SPATA22: variants seen among roughly 807,000 people sequenced by gnomAD.
SPATA22 encodes spermatogenesis associated 22, also known as spermatogenesis-associated protein 22.
A neutral mutation model predicts 47.8 loss-of-function variants in SPATA22; 29 were observed. The observed-to-expected ratio is 0.61, with a 90% CI of 0.45 to 0.83. The LOEUF (loss-of-function observed/expected upper bound fraction) is 0.83. SPATA22 is among the 40% of genes least tolerant of loss of function. SPATA22 has a pLI of 0.00. For missense variants in SPATA22, 410 were observed against 421.7 expected (o/e 0.97, Z 0.24); for synonymous variants, 133 against 140.9 (o/e 0.94, Z 0.40).
chr17:3,469,260 A>C, intron 2 of SPATA22, 23 bp downstream of exon 2: 1 of 1,205,146 alleles, frequency 8.3e-7, no homozygotes, highest in Non-Finnish European at 1.2e-6. Context: ...CAGAAAATTT[A>C]AAAATAAAAA....
intron 1 of SPATA22, among the ~76,000 whole-genome samples, chr17:3,480,221 C>T (rs983655656): frequency 3.3e-5 from 5 of 152,200 alleles, no homozygotes; most frequent in Non-Finnish European, 5.9e-5. Flanking sequence ...TCTCCTCATC[C>T]GCTGCCCAGA....
chr17:3,487,040 TTGTG>T (rs139476666), intron 1 of SPATA22, among the ~76,000 whole-genome samples: 1 of 148,832 alleles, frequency 6.7e-6, no homozygotes, highest in Non-Finnish European at 1.5e-5. Flanking sequence ...TTTCCCATAT[TTGTG>T]TGTGTGTGTG....
chr17:3,452,768 C>A (rs2072893144), intron 5 of SPATA22, among the ~76,000 whole-genome samples: 1 of 151,856 alleles, frequency 6.6e-6, no homozygotes, highest in Admixed American at 6.5e-5. Context: ...TATATGACAA[C>A]AAATTGGATA....
rs1488690 is a variant in SPATA22 at position 3,449,037 on chromosome 17, C to G, written c.442G>C (p.Val148Leu). 1 of 1,613,700 alleles carries G rather than the reference C, an allele frequency of 6.2e-7. No individual in the cohort carries two copies. Among genetic ancestry groups the G allele is most frequent in the Non-Finnish European group, 8.5e-7 (1 of 1,179,922 alleles). Residue 148 changes from valine to leucine, a missense_variant, in exon 6 of 9, where the codon GTG becomes CTG. Physicochemically the swap from Val to Leu is conservative, Grantham distance 32 (BLOSUM62 1). Coordinates refer to ENST00000572969, the MANE Select transcript of SPATA22 (RefSeq NM_001170698.2). ...VANDGKNSCP[V>L]SSGAQQQKQL... Reference sequence around the variant, plus strand: ...TTTTGTTGTTGAGCTCCCGAACTCACTGGACAAGAATTTTTTCCATCATTT... The same window carrying G: ...TTTTGTTGTTGAGCTCCCGAACTCAGTGGACAAGAATTTTTTCCATCATTT...
At chr17:3,446,752 T>C in intron 6 of SPATA22, 151 bp from the exon 7 acceptor site, 1 of 632,802 alleles carries the variant, frequency 1.6e-6, no homozygotes, top group East Asian at 3.1e-5. Context: ...TTCCCTAAAA[T>C]AAGGCCATCA....
At chr17:3,496,930 G>A (rs1182732196) in intron 1 of SPATA22, among the ~76,000 whole-genome samples, 1 of 152,180 alleles carries the variant, frequency 6.6e-6, no homozygotes, top group Non-Finnish European at 1.5e-5. Flanking sequence ...GCCGGGCATG[G>A]TGGCAGGCGC....
At chr17:3,454,439 T>C (rs1180112680) in intron 5 of SPATA22, among the ~76,000 whole-genome samples, 2 of 151,966 alleles carry the variant, frequency 1.3e-5, no homozygotes, top group Non-Finnish European at 2.9e-5. Flanking sequence ...CCTAATGCTA[T>C]CCCTCCCCCA....
chr17:3,443,113 A>G, intron 8 of SPATA22, 61 bp downstream of exon 8: 1 of 1,123,038 alleles, frequency 8.9e-7, no homozygotes, highest in Non-Finnish European at 1.3e-6. Flanking sequence ...ACTGAATTAT[A>G]GCCTGCATGT....
Position 3,462,489 on chromosome 17 carries a change from C to A in SPATA22, c.323G>T (p.Gly108Val). The A allele has an allele frequency of 1.9e-6, 3 of 1,598,070 alleles. No homozygotes were observed. Among genetic ancestry groups the A allele is most frequent in the Non-Finnish European group, 2.6e-6 (3 of 1,175,146 alleles). Residue 108 changes from glycine (G) to valine (V), a missense_variant, in exon 5 of 9, where the codon GGT (glycine) becomes GTT (valine). Coordinates refer to ENST00000572969, the MANE Select transcript of SPATA22 (RefSeq NM_001170698.2). ...IQSNTGRSQG[G>V]WSYRDGNKNT... is the part of the protein sequence containing the mutation. Reference sequence around the variant, plus strand: ...AAATTTTAAGTAGACTCACCTCCAACCACCCTGGCTTCTTCCAGTATTTGA... The same window carrying A: ...AAATTTTAAGTAGACTCACCTCCAAACACCCTGGCTTCTTCCAGTATTTGA...
At chr17:3,486,343 T>C (rs899575938) in intron 1 of SPATA22, among the ~76,000 whole-genome samples, 2 of 152,188 alleles carry the variant, frequency 1.3e-5, no homozygotes, top group Admixed American at 1.3e-4. Flanking sequence ...CTTGAAAAGA[T>C]CATCTGGAAC....
At position 3,446,595 on chromosome 17, in the gene SPATA22, A is replaced by T. The variant is rs1336677303; in HGVS notation, c.679T>A (p.Ser227Thr). Residue 227 changes from serine (S) to threonine (T), a missense_variant, in exon 7 of 9, where the codon TCA becomes ACA. Coordinates refer to ENST00000572969, the MANE Select transcript of SPATA22 (RefSeq NM_001170698.2). ...IPEDNTLKET[S>T]LYQLQFKEKA... ...TCCTTAAACTGTAACTGATACAATG[A>T]GGTTTCCTTTTGAAAAAATAAGAAA... The T allele has an allele frequency of 6.5e-7, 1 of 1,549,190 alleles. No individual in the cohort carries two copies. The highest frequency in any genetic ancestry group is 1.4e-5 in the African/African-American group (1 of 71,732).
In SPATA22 at chr17:3,512,352, A is replaced by G. The variant is rs9303177; in HGVS notation, c.-74+1060T>C. 0.22 allele frequency: 33,301 copies of G among 151,998 alleles called. 3,946 individuals are homozygous for G. Among genetic ancestry groups the G allele is most frequent in the Non-Finnish European group, 0.27 (18,611 of 68,012 alleles). The allele number at this position is 151,998 out of a possible 1,614,324, so 9.4% of individuals were successfully genotyped here. ...ACACACCCCAGCCCACCTCTCCCCAATCGGCCCCATCAGGGGCACAAAGTC... is the reference window on the plus strand; with the variant it reads ...ACACACCCCAGCCCACCTCTCCCCAGTCGGCCCCATCAGGGGCACAAAGTC... On this transcript the variant is annotated intron_variant, in intron 1 of 8. Transcript: ENST00000541913.
At chr17:3,456,423 T>C (rs1231598445) in intron 5 of SPATA22, among the ~76,000 whole-genome samples, 1 of 143,070 alleles carries the variant, frequency 7.0e-6, no homozygotes, top group Non-Finnish European at 1.5e-5. Flanking sequence ...CAAACATCTC[T>C]ACACAAATAA....
intron 2 of SPATA22, among the ~76,000 whole-genome samples, chr17:3,467,859 C>T (rs1013758500): frequency 2.0e-5 from 3 of 152,204 alleles, no homozygotes; most frequent in Admixed American, 6.5e-5. Context: ...TTCCTTATCC[C>T]CCTCCTGTGC....
chr17:3,480,931 G>A (rs529333427), intron 1 of SPATA22, among the ~76,000 whole-genome samples: 7 of 152,274 alleles, frequency 4.6e-5, no homozygotes, highest in South Asian at 4.2e-4. Context: ...ACCAGCCTGG[G>A]CAACAGAGCA....
At position 3,460,259 on chromosome 17, in the gene SPATA22, A is replaced by G. The variant is rs1407107017; in HGVS notation, c.329+2224T>C. ...CAATTTTTTTCCCATGGATAAAGAC[A>G]TAAGACTCAAAAAAGGTGAAATGGC... On this transcript the variant is annotated intron_variant, in intron 5 of 8. Coordinates refer to ENST00000572969, the MANE Select transcript of SPATA22 (RefSeq NM_001170698.2). 2.0e-5 allele frequency among the ~76,000 whole-genome samples: 3 copies of G among 152,330 alleles called. No homozygotes were observed. The East Asian group carries it at 5.8e-4, about 29-fold the overall frequency.
intron 5 of SPATA22, 94 bp downstream of exon 5, chr17:3,462,389 G>T: frequency 1.2e-6 from 1 of 831,474 alleles, no homozygotes; most frequent in South Asian, 1.9e-5. Context: ...AATTCTGTCT[G>T]AGAAACAACG....
At chr17:3,511,848 C>T (rs2074117885) in intron 1 of SPATA22, 1 of 152,218 alleles carries the variant, frequency 6.6e-6, no homozygotes, top group Non-Finnish European at 1.5e-5. Context: ...ATGGATATGA[C>T]TTTCTCCATT....
At chr17:3,446,721 T>C in intron 6 of SPATA22, 120 bp from the exon 7 acceptor site, 1 of 821,312 alleles carries the variant, frequency 1.2e-6, no homozygotes, top group South Asian at 2.1e-5. Context: ...AAAGAACTAC[T>C]GAAAATTTTA....
Sources: allele counts gnomAD v4.1 joint callset (sites outside exome capture counted in the v4.1 genomes callset), GRCh38; gene constraint gnomAD v4.1.1; transcripts MANE v1.5; gene names NCBI Gene and HGNC (gene_info 2026-07-23, HGNC 2026-07-21).